Variants in ST6GALNAC5 observed in about 807,000 individuals in gnomAD.
ST6GALNAC5 encodes alpha-N-acetylgalactosaminide alpha-2,6-sialyltransferase 5.
ST6GALNAC5 carries 27 observed loss-of-function variants against 33.6 expected under a neutral mutation model. The observed-to-expected ratio is 0.80, with a 90% CI of 0.59 to 1.11. The LOEUF (loss-of-function observed/expected upper bound fraction) is 1.11, where lower values mean the gene tolerates loss of function less well. ST6GALNAC5 is among the 50% of genes least tolerant of loss of function. The probability of loss-of-function intolerance (pLI) is 0.00; values close to 1 mark genes in which losing one functional copy is unlikely to be tolerated. For synonymous variants in ST6GALNAC5, 194 were observed against 171.2 expected (o/e 1.13, Z -1.04); for missense variants, 428 against 454.0 (o/e 0.94, Z 0.52).
At chr1:76,916,615 G>A (rs980379037) in intron 2 of ST6GALNAC5, among the ~76,000 whole-genome samples, 15 of 151,984 alleles carry the variant, frequency 9.9e-5, no homozygotes, top group Non-Finnish European at 7.4e-5. Flanking sequence ...TGCTTAATAA[G>A]GAGAAACCAC....
intron 3 of ST6GALNAC5, among the ~76,000 whole-genome samples, chr1:77,049,641 T>C (rs370860629): frequency 5.9e-5 from 9 of 152,182 alleles, no homozygotes; most frequent in African/African-American, 2.2e-4. Flanking sequence ...ATGAAGCAAA[T>C]GTTCAGTTAA....
intron 2 of ST6GALNAC5, among the ~76,000 whole-genome samples, chr1:77,040,507 G>T (rs766511618): frequency 2.0e-5 from 3 of 152,168 alleles, no homozygotes; most frequent in Non-Finnish European, 4.4e-5. Flanking sequence ...GGTCAGTATG[G>T]CAAGGTCAGG....
chr1:76,881,344 T>C (rs1287896539), intron 2 of ST6GALNAC5, among the ~76,000 whole-genome samples: 1 of 152,212 alleles, frequency 6.6e-6, no homozygotes, highest in African/African-American at 2.4e-5. Flanking sequence ...CTATTCAATA[T>C]GTCTTTCTAA....
chr1:77,005,158 T>G (rs1379971327), intron 2 of ST6GALNAC5, among the ~76,000 whole-genome samples: 2 of 152,206 alleles, frequency 1.3e-5, no homozygotes, highest in Non-Finnish European at 1.5e-5. Context: ...CGTGGGGTAG[T>G]ACCCTCCAAG....
At chr1:76,913,330 TTC>T (rs1646933674) in intron 2 of ST6GALNAC5, among the ~76,000 whole-genome samples, 1 of 151,244 alleles carries the variant, frequency 6.6e-6, no homozygotes, top group South Asian at 2.1e-4. Context: ...AACCCGACCT[TTC>T]TCTCTGGCTG....
chr1:77,039,242 C>A (rs901943697), intron 2 of ST6GALNAC5, among the ~76,000 whole-genome samples: 3 of 152,214 alleles, frequency 2.0e-5, no homozygotes, highest in African/African-American at 7.2e-5. Flanking sequence ...GCATTTTTCA[C>A]CTCACAACAG....
At chr1:76,949,774 A>G (rs1277911525) in intron 2 of ST6GALNAC5, among the ~76,000 whole-genome samples, 1 of 152,116 alleles carries the variant, frequency 6.6e-6, no homozygotes, top group African/African-American at 2.4e-5. Context: ...CACCTCTGGG[A>G]CTTGTTGACA....
At chr1:76,962,280 G>T (rs775220627) in intron 2 of ST6GALNAC5, among the ~76,000 whole-genome samples, 1 of 152,140 alleles carries the variant, frequency 6.6e-6, no homozygotes, top group Non-Finnish European at 1.5e-5. Context: ...TAGTCATATC[G>T]CTGCCATAAG....
At chr1:76,994,174 A>G (rs1350435577) in intron 2 of ST6GALNAC5, among the ~76,000 whole-genome samples, 4 of 152,240 alleles carry the variant, frequency 2.6e-5, no homozygotes, top group Non-Finnish European at 2.9e-5. Flanking sequence ...GTGATTTAGT[A>G]TTGTCATCTA....
At chr1:77,056,262 C>T (rs1482607386) in intron 4 of ST6GALNAC5, among the ~76,000 whole-genome samples, 1 of 152,156 alleles carries the variant, frequency 6.6e-6, no homozygotes, top group Non-Finnish European at 1.5e-5. Flanking sequence ...CTATAAATTG[C>T]GTGAAAAGAT....
intron 2 of ST6GALNAC5, among the ~76,000 whole-genome samples, chr1:76,922,373 G>A (rs1258520121): frequency 6.6e-6 from 1 of 152,130 alleles, no homozygotes; most frequent in African/African-American, 2.4e-5. Flanking sequence ...CTGAATAAAT[G>A]GGGAGACATA....
chr1:76,949,403 CCA>C (rs1647655648), intron 2 of ST6GALNAC5, among the ~76,000 whole-genome samples: 1 of 152,106 alleles, frequency 6.6e-6, no homozygotes, highest in Non-Finnish European at 1.5e-5. Context: ...TGGCACTGGC[CCA>C]CAATGGATAG....
intron 2 of ST6GALNAC5, among the ~76,000 whole-genome samples, chr1:76,954,970 A>G (rs1160846172): frequency 6.6e-6 from 1 of 152,096 alleles, no homozygotes; most frequent in East Asian, 1.9e-4. Flanking sequence ...GTCTATGGAG[A>G]AGGGATTGGG....
intron 2 of ST6GALNAC5, among the ~76,000 whole-genome samples, chr1:76,975,855 G>A (rs1648988622): frequency 6.6e-6 from 1 of 152,192 alleles, no homozygotes; most frequent in Non-Finnish European, 1.5e-5. Flanking sequence ...AGCACTTTGG[G>A]AGGCTGAGAT....
chr1:76,932,318 G>A (rs929585016), intron 2 of ST6GALNAC5, among the ~76,000 whole-genome samples: 1 of 152,066 alleles, frequency 6.6e-6, no homozygotes, highest in Non-Finnish European at 1.5e-5. Context: ...AGCTTGAGAT[G>A]GAATAGAATA....
chr1:77,005,503 T>G (rs1468810514), intron 2 of ST6GALNAC5, among the ~76,000 whole-genome samples: 1 of 152,264 alleles, frequency 6.6e-6, no homozygotes, highest in Non-Finnish European at 1.5e-5. Context: ...TTCAGCCATC[T>G]TGGCTCCTCC....
rs1310552177 is a variant in ST6GALNAC5 at position 76,913,764 on chromosome 1, T to G, written c.261+45022T>G. ...CTGAATGGGCAAAAACTGGAAGCAT[T>G]CCCTTTGAAAACTGGCACAAGACAG... On this transcript the variant is annotated intron_variant, in intron 2 of 4. Coordinates refer to ENST00000477717, the MANE Select transcript of ST6GALNAC5 (RefSeq NM_030965.3). Among the ~76,000 whole-genome samples the G allele has an allele frequency of 9.2e-5, 14 of 152,284 alleles. No homozygotes were observed. In the South Asian group the frequency reaches 2.5e-3, roughly 27 times the overall value.
At chr1:76,892,983 G>A (rs1654045922) in intron 2 of ST6GALNAC5, among the ~76,000 whole-genome samples, 1 of 152,076 alleles carries the variant, frequency 6.6e-6, no homozygotes, top group Non-Finnish European at 1.5e-5. Flanking sequence ...CCATTTACTA[G>A]GGTGCCCAGA....
chr1:77,042,183 T>TA (rs1651852763), intron 2 of ST6GALNAC5, among the ~76,000 whole-genome samples: 2 of 152,230 alleles, frequency 1.3e-5, no homozygotes, highest in South Asian at 4.1e-4. Flanking sequence ...ATTATATTTA[T>TA]AAAAAATCAG....
Sources: gnomAD v4.1 joint callset for allele counts (sites outside exome capture counted in the v4.1 genomes callset) on GRCh38, gnomAD v4.1.1 for gene constraint, MANE v1.5 for transcripts, NCBI Gene and HGNC (gene_info 2026-07-23, HGNC 2026-07-21) for gene names.